ZNF215: variants seen among roughly 807,000 people sequenced by gnomAD.
ZNF215 encodes zinc finger protein 215.
In ZNF215, 24 loss-of-function variants were observed where a neutral mutation model predicts 27.2. That is an observed-to-expected ratio of 0.88 (90% CI 0.64 to 1.24). The LOEUF (loss-of-function observed/expected upper bound fraction) is 1.24, where lower values mean the gene tolerates loss of function less well. Among genes scored for constraint, ZNF215 ranks in the 50% most tolerant of loss-of-function variants. The pLI is 0.00. For missense variants in ZNF215, 675 were observed against 605.7 expected, an observed-to-expected ratio of 1.11 and a Z score of -1.20; for synonymous variants, 210 against 204.0, an observed-to-expected ratio of 1.03 and a Z score of -0.25.
intron 5 of ZNF215, among the ~76,000 whole-genome samples, chr11:6,975,093 T>C (rs1431982026): frequency 4.6e-5 from 7 of 152,188 alleles, no homozygotes; most frequent in Non-Finnish European, 7.4e-5. Flanking sequence ...TTGAGAGTTT[T>C]TAGCATGAAG....
rs1408381808 is a variant in ZNF215, at chr11:6,956,400, T to G, written c.1423T>G (p.Ser475Ala). 2.5e-6 allele frequency: 4 copies of G among 1,614,144 alleles called. No individual in the cohort carries two copies. Among genetic ancestry groups the G allele is most frequent in the Non-Finnish European group, 2.5e-6 (3 of 1,180,018 alleles). ...VNCGKSFNRS[S>A]SLIRHQMIHT... is the part of the protein sequence containing the mutation. ...CTGTGGAAAATCCTTCAACCGGAGCTCCTCTCTTATTCGACACCAAATGAT... is the reference window on the plus strand; with the variant it reads ...CTGTGGAAAATCCTTCAACCGGAGCGCCTCTCTTATTCGACACCAAATGAT... The change falls in exon 7 of 7, where the codon TCC becomes GCC. Residue 475 changes from serine to alanine, a missense_variant. By Grantham distance (99) the Ser-to-Ala change is moderately conservative (BLOSUM62 1). Transcript: ENST00000278319.
rs78078556 is a variant in ZNF215 at position 6,976,776 on chromosome 11, G to C, written c.806-7353G>C. Reference sequence around the variant, plus strand: ...GAAAAATCAGTATCTTGTTTGTGGAGAGAAATACACATGTATATGTTTTCT... The same window carrying C: ...GAAAAATCAGTATCTTGTTTGTGGACAGAAATACACATGTATATGTTTTCT... On this transcript the variant is annotated intron_variant, in intron 5 of 5. Transcript: ENST00000529903. 7.1e-3 allele frequency among the ~76,000 whole-genome samples: 1,073 copies of C among 152,120 alleles called. 8 individuals are homozygous for C. Among genetic ancestry groups the C allele is most frequent in the African/African-American group, 0.022 (930 of 41,514 alleles).
chr11:6,990,759 C>T (rs113628465), downstream of ZNF215, among the ~76,000 whole-genome samples: 6 of 152,330 alleles, frequency 3.9e-5, no homozygotes, highest in East Asian at 3.9e-4. Flanking sequence ...CACACACACG[C>T]GCACATGTGC....
chr11:6,969,628 T>G (rs1341857413), intron 5 of ZNF215, among the ~76,000 whole-genome samples: 1 of 152,114 alleles, frequency 6.6e-6, no homozygotes, highest in Non-Finnish European at 1.5e-5. Flanking sequence ...CAACTATATA[T>G]TGGTAGCAAA....
chr11:6,963,172 C>T (rs1330550682), intron 5 of ZNF215, among the ~76,000 whole-genome samples: 9 of 152,014 alleles, frequency 5.9e-5, no homozygotes, highest in Non-Finnish European at 7.4e-5. Flanking sequence ...ATATATAGGA[C>T]AGTTCCACCA....
chr11:6,955,283 C>T (rs1366565750), intron 6 of ZNF215, among the ~76,000 whole-genome samples: 1 of 152,068 alleles, frequency 6.6e-6, no homozygotes, highest in African/African-American at 2.4e-5. Flanking sequence ...AAAATTATTA[C>T]TGGTGTTTTA....
chr11:6,970,623 T>C (rs1458367747), intron 5 of ZNF215, among the ~76,000 whole-genome samples: 1 of 152,204 alleles, frequency 6.6e-6, no homozygotes, highest in Non-Finnish European at 1.5e-5. Flanking sequence ...TGACAAATTA[T>C]TGACATTATT....
chr11:6,935,929 AAC>A lies in ZNF215; in HGVS notation c.400+3259_400+3260del, dbSNP rs1331978052. On this transcript the variant is annotated intron_variant, in intron 3 of 6. Coordinates refer to ENST00000278319, the MANE Select transcript of ZNF215 (RefSeq NM_013250.4). ...GATAATTCACAGATAAGTGGAAATT[AAC>A]AGTCACATAATCAGTGGGTCAAAAA... Among the ~76,000 whole-genome samples, 20 of 152,298 alleles carry A rather than the reference AAC, an allele frequency of 1.3e-4. No homozygotes were observed. The South Asian group carries it at 3.3e-3, about 25-fold the overall frequency.
At chr11:6,966,315 C>T (rs997716372) in intron 5 of ZNF215, among the ~76,000 whole-genome samples, 11 of 152,104 alleles carry the variant, frequency 7.2e-5, no homozygotes, top group African/African-American at 1.2e-4. Flanking sequence ...CAGTAGACAT[C>T]GGGCCTAGCT....
chr11:6,972,456 T>C (rs551459503), intron 5 of ZNF215, among the ~76,000 whole-genome samples: 104 of 152,018 alleles, frequency 6.8e-4, no homozygotes, highest in African/African-American at 2.3e-3. Flanking sequence ...TCCTATAAAT[T>C]CACAGATTGT....
downstream of ZNF215, among the ~76,000 whole-genome samples, chr11:6,992,161 A>G (rs1221452141): frequency 6.6e-6 from 1 of 152,220 alleles, no homozygotes; most frequent in Admixed American, 6.5e-5. Flanking sequence ...CTGAAACTAC[A>G]TGGAGAGAGA....
At chr11:6,941,162 T>C (rs1339154908) in intron 3 of ZNF215, among the ~76,000 whole-genome samples, 2 of 152,332 alleles carry the variant, frequency 1.3e-5, no homozygotes, top group East Asian at 3.9e-4. Context: ...GATAGAATTC[T>C]CTCTGGAGTG....
chr11:6,947,410 C>T (rs1424508306), intron 6 of ZNF215, among the ~76,000 whole-genome samples: 2 of 151,996 alleles, frequency 1.3e-5, no homozygotes, highest in East Asian at 1.9e-4. Flanking sequence ...AAAAAATAAG[C>T]TGGGCATGGT....
At chr11:6,954,833 C>T (rs1041305731) in intron 6 of ZNF215, among the ~76,000 whole-genome samples, 7 of 152,204 alleles carry the variant, frequency 4.6e-5, no homozygotes, top group Admixed American at 1.3e-4. Context: ...GCGTCACTCA[C>T]GCTGGGAGCT....
At chr11:6,950,524 TTC>T (rs1174588245) in intron 6 of ZNF215, among the ~76,000 whole-genome samples, 4 of 151,800 alleles carry the variant, frequency 2.6e-5, no homozygotes, top group Admixed American at 1.3e-4. Context: ...CATGATTTGG[TTC>T]TCTGTTTGTC....
At chr11:6,960,819 G>T (rs906675516), downstream of ZNF215, among the ~76,000 whole-genome samples, 1 of 152,130 alleles carries the variant, frequency 6.6e-6, no homozygotes, top group African/African-American at 2.4e-5. Context: ...AGCTCTTCAG[G>T]GTTGCCTTTG....
chr11:6,957,241 A>C lies in ZNF215; in HGVS notation c.*710A>C. The stretch of plus-strand genomic sequence containing the variant: ...TATAATTGTTATGATGTTGATGAGA[A>C]AAATATCGATTCCCAGCCAGGGACA... On this transcript the variant is annotated 3_prime_UTR_variant, in exon 7 of 7. Coordinates refer to ENST00000278319, the MANE Select transcript of ZNF215 (RefSeq NM_013250.4). 1 of 959,890 alleles carries C rather than the reference A, an allele frequency of 1.0e-6. No individual in the cohort carries two copies. The highest frequency in any genetic ancestry group is 1.2e-6 in the Non-Finnish European group (1 of 806,700). 59.5% of individuals were successfully genotyped at this position (959,890 alleles called of 1,614,324 possible).
chr11:6,944,788 AT>A (rs1564953921), intron 6 of ZNF215, among the ~76,000 whole-genome samples: 1 of 152,040 alleles, frequency 6.6e-6, no homozygotes, highest in African/African-American at 2.4e-5. Flanking sequence ...AATTTTCAAA[AT>A]TTTTCCAGAA....
chr11:6,985,248 G>T (rs1006058135), downstream of ZNF215, among the ~76,000 whole-genome samples: 5 of 152,110 alleles, frequency 3.3e-5, no homozygotes, highest in South Asian at 2.1e-4. Context: ...TTCAACAAAT[G>T]CAAGTCAATA....
Sources: allele counts gnomAD v4.1 joint callset (sites outside exome capture counted in the v4.1 genomes callset), GRCh38; gene constraint gnomAD v4.1.1; transcripts MANE v1.5; gene names NCBI Gene and HGNC (gene_info 2026-07-23, HGNC 2026-07-21).